Variants in CHST9 observed in about 807,000 individuals in gnomAD.
CHST9 encodes the protein GalNAc-4-sulfotransferase 2.
A neutral mutation model predicts 44.4 loss-of-function variants in CHST9; 41 were observed. The observed-to-expected ratio is 0.92, with a 90% CI of 0.72 to 1.20. The LOEUF is 1.20. CHST9 is among the 50% of genes most tolerant of loss of function. The pLI is 0.00. For synonymous variants in CHST9, 171 were observed against 178.4 expected, an observed-to-expected ratio of 0.96 and a Z score of 0.33; for missense variants, 504 against 516.5, an observed-to-expected ratio of 0.98 and a Z score of 0.23.
At chr18:27,144,723 A>C (rs2058597687) in intron 1 of CHST9, among the ~76,000 whole-genome samples, 1 of 152,102 alleles carries the variant, frequency 6.6e-6, no homozygotes, top group Non-Finnish European at 1.5e-5. Flanking sequence ...AAAAAACAAA[A>C]ACAAAAAAAC....
At chr18:27,025,062 A>G (rs1394284785) in intron 3 of CHST9, among the ~76,000 whole-genome samples, 3 of 147,706 alleles carry the variant, frequency 2.0e-5, no homozygotes, top group African/African-American at 4.9e-5. Context: ...ATATATATAT[A>G]TGTATATATA....
At chr18:26,946,049 G>A (rs1416079524) in intron 4 of CHST9, among the ~76,000 whole-genome samples, 9 of 152,130 alleles carry the variant, frequency 5.9e-5, no homozygotes, top group Admixed American at 5.9e-4. Flanking sequence ...AATGCCTGAT[G>A]CCTGGGGCCA....
chr18:27,119,651 G>T (rs1364809424), intron 2 of CHST9, among the ~76,000 whole-genome samples: 1 of 120,698 alleles, frequency 8.3e-6, no homozygotes, highest in Non-Finnish European at 1.7e-5. Context: ...TTTTTGTTTT[G>T]GGTTTTTTTT....
chr18:27,171,538 T>A (rs749799477), intron 1 of CHST9, among the ~76,000 whole-genome samples: 10 of 152,204 alleles, frequency 6.6e-5, no homozygotes, highest in Non-Finnish European at 1.2e-4. Context: ...ACATTTCATT[T>A]TTATTTTCTT....
intron 2 of CHST9, among the ~76,000 whole-genome samples, chr18:27,137,522 A>G (rs923196785): frequency 1.3e-5 from 2 of 152,106 alleles, no homozygotes; most frequent in Non-Finnish European, 2.9e-5. Flanking sequence ...GAAGAGAGGC[A>G]GCTCCAGAAG....
At chr18:27,060,017 G>A (rs2057702834) in intron 2 of CHST9, among the ~76,000 whole-genome samples, 1 of 152,222 alleles carries the variant, frequency 6.6e-6, no homozygotes, top group Admixed American at 6.5e-5. Flanking sequence ...GTTGAATGGA[G>A]TTTACTAGGA....
At chr18:27,019,087 C>G (rs2057189077) in intron 4 of CHST9, among the ~76,000 whole-genome samples, 1 of 152,206 alleles carries the variant, frequency 6.6e-6, no homozygotes, top group Admixed American at 6.5e-5. Flanking sequence ...TCTCCGCAAT[C>G]TGCAGTGCTT....
intron 2 of CHST9, among the ~76,000 whole-genome samples, chr18:27,083,573 A>G (rs1568165137): frequency 6.6e-6 from 1 of 152,148 alleles, no homozygotes; most frequent in Non-Finnish European, 1.5e-5. Flanking sequence ...CTACAAACCA[A>G]TTTGTCAAAT....
chr18:27,102,296 T>C (rs529543802), intron 2 of CHST9, among the ~76,000 whole-genome samples: 1 of 152,322 alleles, frequency 6.6e-6, no homozygotes, highest in African/African-American at 2.4e-5. Context: ...CATTTTTAAG[T>C]CAATTTGAGG....
chr18:27,171,410 G>C (rs542693476), intron 1 of CHST9, among the ~76,000 whole-genome samples: 1 of 152,234 alleles, frequency 6.6e-6, no homozygotes, highest in South Asian at 2.1e-4. Flanking sequence ...AAAATAAAGA[G>C]AGAGGAGTGA....
At position 27,038,820 on chromosome 18, in the gene CHST9, C is replaced by G. The variant is rs79323461; in HGVS notation, c.160+9645G>C. On this transcript the variant is annotated intron_variant, in intron 3 of 5. Coordinates refer to ENST00000618847, the MANE Select transcript of CHST9 (RefSeq NM_031422.6). ...TAATACACATGTTCAGCCTATCTAT[C>G]ATTTCTAGCATCTAATGAATAATTT... Among the ~76,000 whole-genome samples, 890 of 152,186 alleles carry G rather than the reference C, an allele frequency of 5.8e-3. 6 individuals carry two copies. The highest frequency in any genetic ancestry group is 0.02 in the African/African-American group (843 of 41,522).
At chr18:27,131,535 G>A (rs978021089) in intron 2 of CHST9, among the ~76,000 whole-genome samples, 3 of 152,026 alleles carry the variant, frequency 2.0e-5, no homozygotes, top group South Asian at 2.1e-4. Flanking sequence ...TGGGCGACAC[G>A]AGCAAAACTC....
chr18:27,131,868 A>C (rs1280211242), intron 2 of CHST9, among the ~76,000 whole-genome samples: 1 of 152,244 alleles, frequency 6.6e-6, no homozygotes, highest in Admixed American at 6.5e-5. Context: ...ACAGAGTCTT[A>C]CTGCTTCAAC....
intron 1 of CHST9, among the ~76,000 whole-genome samples, chr18:27,150,921 C>T (rs2058654486): frequency 6.6e-6 from 1 of 152,042 alleles, no homozygotes; most frequent in Non-Finnish European, 1.5e-5. Context: ...ATTTGATAGG[C>T]TTGGTAGGCA....
intron 1 of CHST9, among the ~76,000 whole-genome samples, chr18:27,178,527 G>A (rs565687515): frequency 4.6e-5 from 7 of 152,044 alleles, no homozygotes; most frequent in African/African-American, 1.7e-4. Flanking sequence ...CAGTCCAGTA[G>A]ACAGAAGTAA....
chr18:27,032,616 T>C (rs1030195810), intron 3 of CHST9, among the ~76,000 whole-genome samples: 2 of 151,342 alleles, frequency 1.3e-5, no homozygotes, highest in African/African-American at 4.9e-5. Context: ...TAATGGTTTC[T>C]ACTGAGCTGC....
At chr18:27,148,612 A>T (rs1320457808) in intron 1 of CHST9, among the ~76,000 whole-genome samples, 3 of 151,008 alleles carry the variant, frequency 2.0e-5, no homozygotes, top group Non-Finnish European at 2.9e-5. Context: ...GCTGCATAGT[A>T]TTCCATGGTG....
At chr18:27,124,767 T>C (rs1006152694) in intron 2 of CHST9, among the ~76,000 whole-genome samples, 6 of 152,234 alleles carry the variant, frequency 3.9e-5, no homozygotes, top group Admixed American at 2.6e-4. Context: ...AATAGAGTTC[T>C]GATTTCTGTT....
At chr18:26,984,235 A>G (rs2056727430) in intron 4 of CHST9, among the ~76,000 whole-genome samples, 1 of 152,214 alleles carries the variant, frequency 6.6e-6, no homozygotes, top group African/African-American at 2.4e-5. Flanking sequence ...TGAAATATCA[A>G]CTTGCCTAGT....
Sources: gnomAD v4.1 joint callset for allele counts (sites outside exome capture counted in the v4.1 genomes callset) on GRCh38, gnomAD v4.1.1 for gene constraint, MANE v1.5 for transcripts, NCBI Gene and HGNC (gene_info 2026-07-23, HGNC 2026-07-21) for gene names.